Variants in TNS3 observed in about 807,000 individuals in gnomAD.
TNS3 encodes tensin-3.
TNS3 carries 45 observed loss-of-function variants against 140.9 expected under a neutral mutation model. That is an observed-to-expected ratio of 0.32 (90% CI 0.25 to 0.41). The LOEUF (loss-of-function observed/expected upper bound fraction) is 0.41, where lower values mean the gene tolerates loss of function less well. TNS3 is among the 10% of genes least tolerant of loss of function. The pLI is 1.00. For synonymous variants in TNS3, 815 were observed against 788.4 expected (o/e 1.03, Z -0.56); for missense variants, 1,716 against 1,906.7 (o/e 0.90, Z 1.86).
chr7:47,502,810 C>G (rs766883727), intron 3 of TNS3, among the ~76,000 whole-genome samples: 2 of 152,330 alleles, frequency 1.3e-5, no homozygotes, highest in Non-Finnish European at 1.5e-5. Flanking sequence ...GACCTCTCTC[C>G]TCTTGCTGCA....
intron 1 of TNS3, among the ~76,000 whole-genome samples, chr7:47,549,968 C>CT (rs1800020358): frequency 8.9e-6 from 1 of 112,624 alleles, no homozygotes; most frequent in Non-Finnish European, 1.6e-5. Flanking sequence ...CTTCGTTTGG[C>CT]TCTTGACAGG....
chr7:47,422,172 G>A (rs184167860), intron 10 of TNS3, among the ~76,000 whole-genome samples: 2 of 152,302 alleles, frequency 1.3e-5, no homozygotes, highest in East Asian at 3.8e-4. Context: ...AAAGAAAAGA[G>A]CAAGGAGTAA....
chr7:47,506,486 A>C (rs10264597), intron 3 of TNS3, among the ~76,000 whole-genome samples: 2,817 of 152,106 alleles, frequency 0.019, 91 homozygotes, highest in African/African-American at 0.064. Flanking sequence ...TGGCAGCTGA[A>C]AACCCCAATC....
intron 8 of TNS3, among the ~76,000 whole-genome samples, chr7:47,432,522 G>A (rs1794975094): frequency 6.6e-6 from 1 of 152,208 alleles, no homozygotes; most frequent in African/African-American, 2.4e-5. Flanking sequence ...ATAAGTAACA[G>A]AAAACAGACT....
At chr7:47,453,361 A>C in intron 4 of TNS3, 3 of 608,172 alleles carry the variant, frequency 4.9e-6, no homozygotes, top group Non-Finnish European at 4.1e-6. Flanking sequence ...ACCGCCTCTC[A>C]AAAGTTCCCC....
intron 4 of TNS3, among the ~76,000 whole-genome samples, chr7:47,480,660 A>AACACAC (rs10648170): frequency 3.3e-5 from 5 of 151,732 alleles, no homozygotes; most frequent in Non-Finnish European, 7.4e-5. Flanking sequence ...ATCTGATTTG[A>AACACAC]ACACACACAC....
At position 47,276,448 on chromosome 7, in the gene TNS3, C is replaced by G. The variant is rs1766214088; in HGVS notation, c.*1628G>C. 1 of 152,270 alleles carries G rather than the reference C, an allele frequency of 6.6e-6. No individual in the cohort carries two copies. Among genetic ancestry groups the G allele is most frequent in the African/African-American group, 2.4e-5 (1 of 41,422 alleles). The allele number at this position is 152,270 out of a possible 1,614,324, so 9.4% of individuals were successfully genotyped here. ...AAAGCACATTCCCAAACCCCAGCTC[C>G]CTGACAGGAGCTTGTGACACCAGTG... On this transcript the variant is annotated 3_prime_UTR_variant, in exon 31 of 31. Coordinates refer to ENST00000311160, the MANE Select transcript of TNS3 (RefSeq NM_022748.12).
At chr7:47,353,409 T>C (rs762303137) in intron 17 of TNS3, among the ~76,000 whole-genome samples, 1 of 152,134 alleles carries the variant, frequency 6.6e-6, no homozygotes, top group Non-Finnish European at 1.5e-5. Flanking sequence ...TAAAACACTC[T>C]CTCTCTACCC....
At chr7:47,382,637 G>A (rs756520174) in intron 16 of TNS3, among the ~76,000 whole-genome samples, 4 of 151,948 alleles carry the variant, frequency 2.6e-5, no homozygotes, top group South Asian at 2.1e-4. Flanking sequence ...TAGTATGTGC[G>A]GGGGATTGGT....
At chr7:47,510,848 TA>T (rs1293146676) in intron 2 of TNS3, among the ~76,000 whole-genome samples, 5 of 120,800 alleles carry the variant, frequency 4.1e-5, no homozygotes, top group Non-Finnish European at 8.2e-5. Flanking sequence ...GGTGACAGAG[TA>T]AGACTGTCTT....
intron 1 of TNS3, chr7:47,557,167 T>C (rs1030196291): frequency 2.2e-6 from 1 of 456,648 alleles, no homozygotes; most frequent in South Asian, 1.5e-5. Context: ...ATGTCCAGGG[T>C]CAGAACAATC....
intron 17 of TNS3, among the ~76,000 whole-genome samples, chr7:47,357,212 T>C (rs1488744823): frequency 1.3e-5 from 2 of 152,194 alleles, no homozygotes; most frequent in Non-Finnish European, 2.9e-5. Context: ...GAAGGTAAAG[T>C]CCCCATAAGC....
At chr7:47,485,489 CATA>C (rs896930699) in intron 3 of TNS3, among the ~76,000 whole-genome samples, 8 of 152,236 alleles carry the variant, frequency 5.3e-5, no homozygotes, top group Non-Finnish European at 5.9e-5. Flanking sequence ...CACCCTCTCT[CATA>C]ATGAGCAGCT....
intron 20 of TNS3, among the ~76,000 whole-genome samples, chr7:47,329,476 G>A (rs2150904474): frequency 6.6e-6 from 1 of 152,216 alleles, no homozygotes; most frequent in Non-Finnish European, 1.5e-5. Flanking sequence ...GTGAAGAGTG[G>A]GCAGGTCAAT....
At chr7:47,495,245 T>C (rs1797964493) in intron 3 of TNS3, among the ~76,000 whole-genome samples, 1 of 149,500 alleles carries the variant, frequency 6.7e-6, no homozygotes, top group Non-Finnish European at 1.5e-5. Flanking sequence ...CGTGAAGCCA[T>C]GTCTCAATGA....
At chr7:47,497,057 G>C (rs1184623952) in intron 3 of TNS3, among the ~76,000 whole-genome samples, 1 of 152,132 alleles carries the variant, frequency 6.6e-6, no homozygotes, top group Non-Finnish European at 1.5e-5. Flanking sequence ...GTGGGCCTCA[G>C]GCTAAGTCTG....
intron 28 of TNS3, among the ~76,000 whole-genome samples, 153 bp from the exon 29 acceptor site, chr7:47,280,507 CTCAT>C (rs1246985945): frequency 6.6e-6 from 1 of 152,156 alleles, no homozygotes; most frequent in Non-Finnish European, 1.5e-5. Flanking sequence ...AAAGTGCGTG[CTCAT>C]TCAAAGTCAA....
intron 4 of TNS3, among the ~76,000 whole-genome samples, chr7:47,471,306 A>G (rs1796942259): frequency 6.6e-6 from 1 of 152,208 alleles, no homozygotes; most frequent in Admixed American, 6.5e-5. Flanking sequence ...TAAGGGGAGC[A>G]GCTGGAAACA....
intron 8 of TNS3, among the ~76,000 whole-genome samples, chr7:47,430,112 TTTTC>T (rs1375752272): frequency 4.2e-5 from 6 of 143,012 alleles, no homozygotes; most frequent in Non-Finnish European, 7.5e-5. Context: ...CAAGTATTTC[TTTTC>T]TTTTCTTTTC....
Sources: gnomAD v4.1 joint callset for allele counts (sites outside exome capture counted in the v4.1 genomes callset) on GRCh38, gnomAD v4.1.1 for gene constraint, MANE v1.5 for transcripts, NCBI Gene and HGNC (gene_info 2026-07-23, HGNC 2026-07-21) for gene names.